Variants in GARIN1A observed in about 807,000 individuals in gnomAD.
GARIN1A encodes the protein Golgi-associated RAB2 interactor protein 1A.
the GARIN1A span, chr7:128,672,490 T>C: frequency 1.2e-6 from 2 of 1,609,616 alleles, no homozygotes; most frequent in East Asian, 4.5e-5. Flanking sequence ...GTCAACTGAT[T>C]CATTCTCCAG....
At chr7:128,679,031 C>T in the GARIN1A span, among the ~76,000 whole-genome samples, 2 of 150,116 alleles carry the variant, frequency 1.3e-5, no homozygotes, top group East Asian at 1.9e-4. Flanking sequence ...TACATATATA[C>T]GTATGTAACA....
chr7:128,704,662 G>T, the GARIN1A span, among the ~76,000 whole-genome samples: 5 of 152,136 alleles, frequency 3.3e-5, no homozygotes, highest in South Asian at 6.2e-4. Context: ...TCACAATAGG[G>T]TTCGCACGCC....
the GARIN1A span, among the ~76,000 whole-genome samples, chr7:128,704,183 C>G: frequency 8.4e-6 from 1 of 118,594 alleles, no homozygotes; most frequent in African/African-American, 3.3e-5. Flanking sequence ...TTTTTGGCAC[C>G]AGGAACTGGT....
chr7:128,675,601 C>T, the GARIN1A span: 1 of 1,508,244 alleles, frequency 6.6e-7, no homozygotes, highest in African/African-American at 1.4e-5. Flanking sequence ...GATGATGTGC[C>T]ACTTTCCAGC....
At chr7:128,678,266 C>T in the GARIN1A span, among the ~76,000 whole-genome samples, 79 of 152,122 alleles carry the variant, frequency 5.2e-4, no homozygotes, top group African/African-American at 1.9e-3. Context: ...AGTGATCCAC[C>T]CACCTTGGCC....
the GARIN1A span, chr7:128,691,710 T>G: frequency 1.3e-5 from 2 of 152,214 alleles, no homozygotes; most frequent in Non-Finnish European, 2.9e-5. Flanking sequence ...AAACTTGCTT[T>G]CACTTTATGG....
chr7:128,681,093 C>A, the GARIN1A span, among the ~76,000 whole-genome samples: 1 of 152,218 alleles, frequency 6.6e-6, no homozygotes, highest in Non-Finnish European at 1.5e-5. Flanking sequence ...GAGAAGGTTT[C>A]CTCTTGCCCC....
At chr7:128,690,658 G>A in the GARIN1A span, 1 of 152,040 alleles carries the variant, frequency 6.6e-6, no homozygotes, top group African/African-American at 2.4e-5. Context: ...TTTTCCACAT[G>A]TTCTATGCAA....
At chr7:128,672,642 C>CGG in the GARIN1A span, 3 of 121,728 alleles carry the variant, frequency 2.5e-5, no homozygotes, top group Non-Finnish European at 3.4e-5. Context: ...TTTTAAAGCC[C>CGG]TGGGGGAGGG....
the GARIN1A span, among the ~76,000 whole-genome samples, chr7:128,679,521 T>G: frequency 2.0e-5 from 3 of 152,278 alleles, no homozygotes; most frequent in African/African-American, 7.2e-5. Flanking sequence ...ATTGGGATTT[T>G]GGACCCTTAC....
the GARIN1A span, among the ~76,000 whole-genome samples, chr7:128,693,121 T>C: frequency 4.6e-5 from 7 of 152,258 alleles, no homozygotes; most frequent in Non-Finnish European, 8.8e-5. Flanking sequence ...TATTTCCCCA[T>C]TGGGGATACA....
the GARIN1A span, among the ~76,000 whole-genome samples, chr7:128,693,107 G>A: frequency 0.058 from 8,821 of 152,266 alleles, 300 homozygotes; most frequent in Middle Eastern, 0.11. Context: ...AGAACAAATC[G>A]ATTTATTTCC....
chr7:128,691,113 A>T, the GARIN1A span: 1 of 152,212 alleles, frequency 6.6e-6, no homozygotes, highest in African/African-American at 2.4e-5. Context: ...ATAATACTGT[A>T]CACATCGAAT....
At chr7:128,685,254 C>T in the GARIN1A span, 1 of 152,236 alleles carries the variant, frequency 6.6e-6, no homozygotes, top group East Asian at 1.9e-4. Context: ...CTGCTAGGTG[C>T]TAGACACTGC....
At chr7:128,691,966 G>A in the GARIN1A span, among the ~76,000 whole-genome samples, 2 of 152,256 alleles carry the variant, frequency 1.3e-5, no homozygotes, top group East Asian at 1.9e-4. Flanking sequence ...AGGCGTTGTC[G>A]CAGTGGGGCC....
the GARIN1A span, among the ~76,000 whole-genome samples, chr7:128,681,072 T>A: frequency 6.6e-6 from 1 of 152,254 alleles, no homozygotes; most frequent in East Asian, 1.9e-4. Flanking sequence ...CCTTCATAAC[T>A]TTTTCAGTGG....
At chr7:128,683,018 T>C in the GARIN1A span, 7 of 1,610,302 alleles carry the variant, frequency 4.3e-6, no homozygotes, top group Non-Finnish European at 5.9e-6. Context: ...AGATACCCTC[T>C]CCAGTGGCAT....
chr7:128,704,427 C>G, the GARIN1A span, among the ~76,000 whole-genome samples: 1 of 152,010 alleles, frequency 6.6e-6, no homozygotes, highest in Non-Finnish European at 1.5e-5. Context: ...GCCTGAGCCT[C>G]CCAAGTAGCT....
chr7:128,682,431 T>C, the GARIN1A span, among the ~76,000 whole-genome samples: 8 of 152,208 alleles, frequency 5.3e-5, no homozygotes, highest in East Asian at 1.5e-3. Context: ...CCAGGCTCCC[T>C]CCTCCTCCTC....
Sources: allele counts gnomAD v4.1 joint callset (sites outside exome capture counted in the v4.1 genomes callset), GRCh38; gene constraint gnomAD v4.1.1; transcripts MANE v1.5; gene names NCBI Gene and HGNC (gene_info 2026-07-23, HGNC 2026-07-21).